Variants in GADL1 observed in about 807,000 individuals in gnomAD.
GADL1 encodes GAD like acidic amino acid decarboxylase 1, also known as acidic amino acid decarboxylase GADL1.
A neutral mutation model predicts 69.5 loss-of-function variants in GADL1; 71 were observed. That is an observed-to-expected ratio of 1.02 (90% CI 0.84 to 1.25). The LOEUF is 1.25. GADL1 is among the 50% of genes most tolerant of loss of function. GADL1 has a pLI of 0.00. For synonymous variants in GADL1, 254 were observed against 214.4 expected (o/e 1.18, Z -1.62); for missense variants, 737 against 631.8 (o/e 1.17, Z -1.79).
rs139829161 is a variant in GADL1 at position 30,838,364 on chromosome 3, T to C, written c.903+633A>G. Reference sequence around the variant, plus strand: ...AAGTTACCTTCGATTTAAGGAAATATGTATTTTGAATAACCGCAGGACTTA... The same window carrying C: ...AAGTTACCTTCGATTTAAGGAAATACGTATTTTGAATAACCGCAGGACTTA... On this transcript the variant is annotated intron_variant, in intron 9 of 14. Coordinates refer to ENST00000282538, the MANE Select transcript of GADL1 (RefSeq NM_207359.3). Among the ~76,000 whole-genome samples, 179 of 152,296 alleles carry C rather than the reference T, an allele frequency of 1.2e-3. 1 individual carries two copies. Among genetic ancestry groups the C allele is most frequent in the African/African-American group, 4.1e-3 (169 of 41,574 alleles).
intron 12 of GADL1, among the ~76,000 whole-genome samples, chr3:30,792,805 G>A (rs968059436): frequency 3.9e-5 from 6 of 152,128 alleles, no homozygotes; most frequent in Non-Finnish European, 8.8e-5. Context: ...TTCTATTTAG[G>A]TAAGAATATT....
At chr3:30,759,713 ACTT>A (rs1190602023) in intron 14 of GADL1, among the ~76,000 whole-genome samples, 1 of 152,140 alleles carries the variant, frequency 6.6e-6, no homozygotes, top group Non-Finnish European at 1.5e-5. Context: ...TATCCTCACT[ACTT>A]CACTTCCTTA....
intron 14 of GADL1, among the ~76,000 whole-genome samples, chr3:30,760,330 T>C (rs1300249644): frequency 6.6e-6 from 1 of 152,192 alleles, no homozygotes; most frequent in Non-Finnish European, 1.5e-5. Flanking sequence ...TAGATGTTCC[T>C]CAATTTTTGC....
At chr3:30,846,611 G>C (rs532631865) in intron 6 of GADL1, among the ~76,000 whole-genome samples, 2 of 152,150 alleles carry the variant, frequency 1.3e-5, no homozygotes, top group Non-Finnish European at 2.9e-5. Flanking sequence ...TCTCAAGTTA[G>C]CTGGTAGAAT....
At chr3:30,755,503 C>T (rs1695947089) in intron 14 of GADL1, among the ~76,000 whole-genome samples, 1 of 152,204 alleles carries the variant, frequency 6.6e-6, no homozygotes, top group Non-Finnish European at 1.5e-5. Flanking sequence ...GAAGACTTCT[C>T]CCCCTAAGGA....
intron 11 of GADL1, among the ~76,000 whole-genome samples, chr3:30,817,301 G>A (rs2125515861): frequency 6.6e-6 from 1 of 152,220 alleles, no homozygotes; most frequent in South Asian, 2.1e-4. Flanking sequence ...TAATTTTATT[G>A]TTATATTGTA....
intron 14 of GADL1, among the ~76,000 whole-genome samples, chr3:30,769,159 A>C (rs555261596): frequency 6.6e-6 from 1 of 152,284 alleles, no homozygotes; most frequent in Non-Finnish European, 1.5e-5. Context: ...CATCCTAGGC[A>C]AGGCTGAAAG....
intron 11 of GADL1, among the ~76,000 whole-genome samples, chr3:30,808,933 C>T (rs900326099): frequency 4.6e-5 from 7 of 152,198 alleles, no homozygotes; most frequent in African/African-American, 1.2e-4. Flanking sequence ...TCTCCTGTGT[C>T]TGTTCTTCTG....
chr3:30,857,674 C>T (rs1698251946), intron 2 of GADL1, among the ~76,000 whole-genome samples: 1 of 151,942 alleles, frequency 6.6e-6, no homozygotes. Flanking sequence ...GGCCATTCCT[C>T]TATTCAAATA....
chr3:30,833,234 CAG>C (rs1293209842), intron 11 of GADL1, among the ~76,000 whole-genome samples: 1 of 152,044 alleles, frequency 6.6e-6, no homozygotes, highest in African/African-American at 2.4e-5. Flanking sequence ...ATGGAAAACA[CAG>C]AGTTTATACC....
At chr3:30,732,797 C>A (rs1695478485) in intron 14 of GADL1, among the ~76,000 whole-genome samples, 1 of 152,174 alleles carries the variant, frequency 6.6e-6, no homozygotes, top group African/African-American at 2.4e-5. Context: ...GTTGCTCACG[C>A]CTGTAATCTC....
At chr3:30,816,683 C>T (rs1187288625) in intron 11 of GADL1, among the ~76,000 whole-genome samples, 2 of 151,402 alleles carry the variant, frequency 1.3e-5, no homozygotes, top group African/African-American at 4.9e-5. Context: ...GTAGCTGGGA[C>T]TACAGGCGCA....
intron 12 of GADL1, among the ~76,000 whole-genome samples, chr3:30,796,384 C>T (rs1451336393): frequency 6.6e-6 from 1 of 152,094 alleles, no homozygotes; most frequent in Non-Finnish European, 1.5e-5. Flanking sequence ...AACAAAGGTA[C>T]CTTCATCTAG....
intron 1 of GADL1, among the ~76,000 whole-genome samples, chr3:30,876,325 G>A (rs1698575970): frequency 6.6e-6 from 1 of 152,030 alleles, no homozygotes; most frequent in Admixed American, 6.6e-5. Context: ...TTCCATTTAT[G>A]GAAAGAGATG....
At chr3:30,815,183 C>A (rs1161544523) in intron 11 of GADL1, among the ~76,000 whole-genome samples, 1 of 151,898 alleles carries the variant, frequency 6.6e-6, no homozygotes, top group South Asian at 2.1e-4. Context: ...TTTCATTGTT[C>A]CCCCGATGCC....
intron 14 of GADL1, among the ~76,000 whole-genome samples, chr3:30,751,707 G>A (rs1695823486): frequency 6.6e-6 from 1 of 152,126 alleles, no homozygotes; most frequent in Non-Finnish European, 1.5e-5. Context: ...GTGTCTCATA[G>A]ACACGGAGAT....
intron 1 of GADL1, among the ~76,000 whole-genome samples, chr3:30,873,702 A>G (rs1315845077): frequency 6.6e-6 from 1 of 152,112 alleles, no homozygotes; most frequent in East Asian, 1.9e-4. Flanking sequence ...AGCAATTTAA[A>G]TGAAAATTTA....
intron 11 of GADL1, among the ~76,000 whole-genome samples, chr3:30,829,917 A>T (rs1697759645): frequency 6.6e-6 from 1 of 152,006 alleles, no homozygotes; most frequent in East Asian, 1.9e-4. Context: ...ACTTTAAAGG[A>T]GAGGAACAGA....
intron 6 of GADL1, among the ~76,000 whole-genome samples, chr3:30,845,077 GAC>G (rs1559359291): frequency 6.6e-6 from 1 of 152,106 alleles, no homozygotes; most frequent in East Asian, 1.9e-4. Context: ...TCAGACACTT[GAC>G]CAATCTTGTT....
Sources: allele counts gnomAD v4.1 joint callset (sites outside exome capture counted in the v4.1 genomes callset), GRCh38; gene constraint gnomAD v4.1.1; transcripts MANE v1.5; gene names NCBI Gene and HGNC (gene_info 2026-07-23, HGNC 2026-07-21).